Variants in TBC1D5 observed in about 807,000 individuals in gnomAD.
The protein encoded by TBC1D5 is TBC1 domain family, member 5.
Under a neutral mutation model 100.3 loss-of-function variants are expected in TBC1D5, and 75 were observed. The observed-to-expected ratio is 0.75, with a 90% CI of 0.62 to 0.91. TBC1D5 has a LOEUF of 0.91. Ranked by LOEUF, TBC1D5 falls within the 40% of genes least tolerant of loss-of-function variation. TBC1D5 has a pLI of 0.00. For synonymous variants in TBC1D5, 323 were observed against 325.6 expected, an observed-to-expected ratio of 0.99 and a Z score of 0.09; for missense variants, 910 against 942.4, an observed-to-expected ratio of 0.97 and a Z score of 0.45.
intron 15 of TBC1D5, among the ~76,000 whole-genome samples, chr3:17,273,468 A>G (rs1431935787): frequency 3.3e-5 from 5 of 152,040 alleles, no homozygotes; most frequent in Non-Finnish European, 7.4e-5. Context: ...CCCTCTGGAT[A>G]TTTCTACCTG....
intron 3 of TBC1D5, among the ~76,000 whole-genome samples, chr3:17,458,859 A>G (rs2095145551): frequency 6.6e-6 from 1 of 152,184 alleles, no homozygotes; most frequent in African/African-American, 2.4e-5. Flanking sequence ...CTAACTTTCC[A>G]CTTAGGCTCA....
At chr3:17,722,189 T>C (rs1160272292) in intron 1 of TBC1D5, among the ~76,000 whole-genome samples, 1 of 152,216 alleles carries the variant, frequency 6.6e-6, no homozygotes, top group Non-Finnish European at 1.5e-5. Context: ...TCAATTCTTT[T>C]ATATTATTTG....
chr3:17,184,883 C>T, intron 19 of TBC1D5: 1 of 277,074 alleles, frequency 3.6e-6, no homozygotes. Flanking sequence ...ACTCGATTTA[C>T]TAATGATATA....
At position 17,298,815 on chromosome 3, in the gene TBC1D5, T is replaced by C. The variant is rs145072216; in HGVS notation, c.1139-6814A>G. ...ACTTCATTCATCTGACTATATGACA[T>C]TGTGACAGTAAAAAGATCAGTAGTT... On this transcript the variant is annotated intron_variant, in intron 14 of 21. Transcript: ENST00000253692. 3.1e-3 allele frequency among the ~76,000 whole-genome samples: 476 copies of C among 152,226 alleles called. 1 individual carries two copies. Among genetic ancestry groups the C allele is most frequent in the Non-Finnish European group, 4.9e-3 (334 of 68,008 alleles).
At chr3:17,428,626 C>T (rs879026496) in intron 3 of TBC1D5, 107 bp from the exon 4 acceptor site, 1 of 352,362 alleles carries the variant, frequency 2.8e-6, no homozygotes. Context: ...AGCATACATC[C>T]TCTCCCCCTT....
intron 1 of TBC1D5, among the ~76,000 whole-genome samples, chr3:17,656,917 A>C (rs1051864422): frequency 2.0e-5 from 3 of 152,134 alleles, no homozygotes; most frequent in African/African-American, 7.2e-5. Flanking sequence ...AGATTTGTCA[A>C]GGAGCGACAG....
chr3:17,566,676 CT>C lies in TBC1D5; in HGVS notation c.-36+57172del, dbSNP rs563620663. ...TTAAGCCCTCCTTTTCTCCCTTTTC[CT>C]CTCCTCTGTTTTACTGTCTGTATCC... On this transcript the variant is annotated intron_variant, in intron 2 of 21. Transcript: ENST00000253692. 9.9e-5 allele frequency among the ~76,000 whole-genome samples: 15 copies of C among 151,926 alleles called. No individual in the cohort carries two copies. In the South Asian group the frequency reaches 2.7e-3, roughly 27 times the overall value.
At chr3:17,408,268 AACAC>A (rs3041146) in intron 4 of TBC1D5, among the ~76,000 whole-genome samples, 11,767 of 143,836 alleles carry the variant, frequency 0.082, 552 homozygotes, top group Middle Eastern at 0.12. Flanking sequence ...AAGACTATCC[AACAC>A]ACACACACAC....
At chr3:17,630,979 CGT>C (rs1560326243) in intron 1 of TBC1D5, among the ~76,000 whole-genome samples, 3 of 148,368 alleles carry the variant, frequency 2.0e-5, no homozygotes, top group Non-Finnish European at 4.4e-5. Flanking sequence ...GGGAGGCAGA[CGT>C]TGCAGTGAGC....
intron 2 of TBC1D5, among the ~76,000 whole-genome samples, chr3:17,618,674 G>A (rs1002009676): frequency 1.3e-5 from 2 of 152,252 alleles, no homozygotes; most frequent in South Asian, 2.1e-4. Flanking sequence ...TGCTAGCAGT[G>A]AGCAAAGCTC....
chr3:17,540,041 G>A (rs1349089722), intron 2 of TBC1D5, among the ~76,000 whole-genome samples: 3 of 152,118 alleles, frequency 2.0e-5, no homozygotes, highest in East Asian at 3.9e-4. Flanking sequence ...CATCCTAATG[G>A]GTGTAAGGTG....
chr3:17,599,220 A>T (rs988990374), intron 2 of TBC1D5, among the ~76,000 whole-genome samples: 1 of 152,098 alleles, frequency 6.6e-6, no homozygotes, highest in African/African-American at 2.4e-5. Context: ...GCCCCAAATG[A>T]AAAGTTATCC....
intron 16 of TBC1D5, among the ~76,000 whole-genome samples, chr3:17,256,022 C>G (rs6790367): frequency 6.6e-6 from 1 of 151,948 alleles, no homozygotes; most frequent in Non-Finnish European, 1.5e-5. Flanking sequence ...GGCGACAAAG[C>G]GAGACTCGGT....
chr3:17,308,000 C>T (rs1219074192), exon 14 of TBC1D5: 8 of 1,601,794 alleles, frequency 5.0e-6, no homozygotes, highest in Middle Eastern at 1.7e-4. Flanking sequence ...ACAAGCATCT[C>T]GGATGTAAAG....
At chr3:17,630,696 T>C (rs1317966088) in intron 1 of TBC1D5, among the ~76,000 whole-genome samples, 1 of 151,926 alleles carries the variant, frequency 6.6e-6, no homozygotes, top group Non-Finnish European at 1.5e-5. Flanking sequence ...TGCCTCTCAT[T>C]TGAAATAAAA....
chr3:17,463,592 A>G lies in TBC1D5; in HGVS notation c.98-35073T>C, dbSNP rs918203077. On this transcript the variant is annotated intron_variant, in intron 3 of 21. Transcript: ENST00000253692. Reference sequence around the variant, plus strand: ...ATTAACATAAAAATACTTAAATATAATATTTTAAAAAACTGAATGATTCCA... The same window carrying G: ...ATTAACATAAAAATACTTAAATATAGTATTTTAAAAAACTGAATGATTCCA... Among the ~76,000 whole-genome samples the G allele has an allele frequency of 3.9e-5, 6 of 152,222 alleles. 1 individual carries two copies. Among genetic ancestry groups the G allele is most frequent in the East Asian group, 3.8e-4 (2 of 5,204 alleles).
intron 17 of TBC1D5, among the ~76,000 whole-genome samples, chr3:17,237,162 T>A (rs919395858): frequency 6.6e-6 from 1 of 152,174 alleles, no homozygotes; most frequent in Admixed American, 6.5e-5. Context: ...AACAGAGGGA[T>A]CCCTTTAAGA....
chr3:17,640,196 T>C (rs2064359686), intron 1 of TBC1D5, among the ~76,000 whole-genome samples: 1 of 152,154 alleles, frequency 6.6e-6, no homozygotes, highest in Admixed American at 6.5e-5. Context: ...TTTAACTTTA[T>C]AGAGCTAGAA....
chr3:17,734,349 A>G (rs2076796655), intron 1 of TBC1D5, among the ~76,000 whole-genome samples: 1 of 152,236 alleles, frequency 6.6e-6, no homozygotes, highest in South Asian at 2.1e-4. Flanking sequence ...ACCCAATAGT[A>G]AAGTTTCTGA....
Sources: gnomAD v4.1 joint callset for allele counts (sites outside exome capture counted in the v4.1 genomes callset) on GRCh38, gnomAD v4.1.1 for gene constraint, MANE v1.5 for transcripts, NCBI Gene and HGNC (gene_info 2026-07-23, HGNC 2026-07-21) for gene names.